Variants in MRAP observed in about 807,000 individuals in gnomAD.
The protein encoded by MRAP is melanocortin-2 receptor accessory protein.
A neutral mutation model predicts 8.7 loss-of-function variants in MRAP; 8 were observed. The ratio of observed to expected loss-of-function variants is 0.92; its 90% CI spans 0.54 to 1.66. MRAP has a LOEUF of 1.66. Ranked by LOEUF, MRAP falls within the 40% of genes most tolerant of loss-of-function variation. The pLI is 0.00. For missense variants in MRAP, 237 were observed against 217.1 expected, an observed-to-expected ratio of 1.09 and a Z score of -0.58; for synonymous variants, 95 against 95.5, an observed-to-expected ratio of 1.00 and a Z score of 0.03.
upstream of MRAP, among the ~76,000 whole-genome samples, chr21:32,293,978 A>AATT (rs1427362944): frequency 1.3e-5 from 2 of 152,144 alleles, no homozygotes; most frequent in Non-Finnish European, 2.9e-5. Context: ...CAGACAAATA[A>AATT]ATTCAACTTA....
At chr21:32,296,260 A>C (rs574854115), upstream of MRAP, among the ~76,000 whole-genome samples, 54 of 152,252 alleles carry the variant, frequency 3.5e-4, no homozygotes, top group Middle Eastern at 3.4e-3. Flanking sequence ...CCTATCTCCA[A>C]ATACAGTCAC....
Position 32,298,971 on chromosome 21 carries a change from C to T in MRAP, c.-1C>T. The T allele has an allele frequency of 6.2e-7, 1 of 1,613,058 alleles. No individual in the cohort carries two copies. The highest frequency in any genetic ancestry group is 1.1e-5 in the South Asian group (1 of 91,052). On this transcript the variant is annotated 5_prime_UTR_variant, in exon 1 of 3. Coordinates refer to ENST00000303645, the MANE Select transcript of MRAP (RefSeq NM_001379228.1). The stretch of plus-strand genomic sequence containing the variant: ...GACGCTGACTGCCCAGTGCCACAGA[C>T]ATGGCCAACGGGACCAACGCCTCTG...
chr21:32,296,081 G>A (rs148614699), upstream of MRAP, among the ~76,000 whole-genome samples: 173 of 152,256 alleles, frequency 1.1e-3, 1 homozygote, highest in Admixed American at 5.7e-3. Context: ...GCCTGGTTTC[G>A]TTCTGAGGCC....
upstream of MRAP, among the ~76,000 whole-genome samples, chr21:32,294,715 G>A (rs1601092707): frequency 6.6e-6 from 1 of 152,016 alleles, no homozygotes; most frequent in African/African-American, 2.4e-5. Flanking sequence ...TTATCAATAT[G>A]TCCATTTCTA....
chr21:32,299,099 C>T, intron 1 of MRAP, 22 bp downstream of exon 1: 2 of 1,596,018 alleles, frequency 1.3e-6, no homozygotes, highest in Non-Finnish European at 8.6e-7. Flanking sequence ...CTAGGGAAGC[C>T]GGTCAGACAG....
At chr21:32,311,303 C>T (rs944123976) in intron 2 of MRAP, 8 of 212,942 alleles carry the variant, frequency 3.8e-5, no homozygotes, top group South Asian at 1.2e-4. Context: ...TGTGTCGTGA[C>T]GCAGCCAAAC....
downstream of MRAP, chr21:32,314,044 C>G (rs2032637538): frequency 6.5e-6 from 1 of 154,146 alleles, no homozygotes; most frequent in Non-Finnish European, 1.4e-5. Context: ...CTTCTCAAAG[C>G]AGAGGTCAAA....
chr21:32,294,512 G>T (rs1033144420), upstream of MRAP, among the ~76,000 whole-genome samples: 3 of 152,108 alleles, frequency 2.0e-5, no homozygotes, highest in African/African-American at 7.2e-5. Flanking sequence ...TCTTTATAAA[G>T]TATCTGTTCA....
Position 32,306,674 on chromosome 21 carries a change from TGCCTTCGTG to T in MRAP, c.143_151del (p.Ala48_Val50del). The stretch of plus-strand genomic sequence containing the variant: ...TGATCGCATTCTGGGTGAGCCTGGC[TGCCTTCGTG>T]GTGCTGCTCTTCCTCATCTTGCTCT... On this transcript the variant is annotated inframe_deletion, in exon 2 of 3. Transcript: ENST00000303645. 1 of 1,614,150 alleles carries T rather than the reference TGCCTTCGTG, an allele frequency of 6.2e-7. No individual in the cohort carries two copies. The highest frequency in any genetic ancestry group is 1.7e-5 in the Admixed American group (1 of 60,010).
At chr21:32,314,632 TAG>T (rs773077703), downstream of MRAP, 2 of 1,614,086 alleles carry the variant, frequency 1.2e-6, no homozygotes, top group Admixed American at 1.7e-5. Context: ...TCCAAGCCCC[TAG>T]AGAGGAAGGG....
intron 1 of MRAP, among the ~76,000 whole-genome samples, chr21:32,300,578 G>A (rs1476908824): frequency 6.8e-6 from 1 of 147,906 alleles, no homozygotes; most frequent in African/African-American, 2.5e-5. Context: ...CACACGTCAT[G>A]TCAGGGGCGT....
chr21:32,301,079 C>G (rs922741196), intron 1 of MRAP, among the ~76,000 whole-genome samples: 2 of 150,630 alleles, frequency 1.3e-5, no homozygotes, highest in Non-Finnish European at 2.9e-5. Context: ...CCATATATAT[C>G]ATGATATATC....
At chr21:32,310,338 G>T (rs912222100) in intron 2 of MRAP, among the ~76,000 whole-genome samples, 2 of 141,218 alleles carry the variant, frequency 1.4e-5, no homozygotes, top group Non-Finnish European at 3.0e-5. Flanking sequence ...TTCCCATGAT[G>T]GGGGGGGGAG....
intron 1 of MRAP, among the ~76,000 whole-genome samples, chr21:32,301,152 C>T (rs1417850581): frequency 1.3e-5 from 2 of 149,712 alleles, no homozygotes; most frequent in South Asian, 2.1e-4. Context: ...TTAGTAGAGA[C>T]GTGGTTTCAC....
intron 1 of MRAP, among the ~76,000 whole-genome samples, chr21:32,300,448 CAG>C (rs1329539406): frequency 2.0e-5 from 3 of 150,922 alleles, no homozygotes; most frequent in Admixed American, 1.3e-4. Context: ...CGTCCTATGT[CAG>C]ATGTTTCACA....
chr21:32,302,297 C>G (rs1193102019), intron 1 of MRAP, among the ~76,000 whole-genome samples: 3 of 152,190 alleles, frequency 2.0e-5, no homozygotes, highest in African/African-American at 4.8e-5. Flanking sequence ...AACTATCTCA[C>G]AACATAGCAA....
chr21:32,302,047 A>G (rs2032308640), intron 1 of MRAP, among the ~76,000 whole-genome samples: 2 of 152,254 alleles, frequency 1.3e-5, no homozygotes, highest in Admixed American at 6.5e-5. Flanking sequence ...ATGAATTTCC[A>G]TCAAGGTAGC....
At chr21:32,300,815 G>C (rs1362470730) in intron 1 of MRAP, among the ~76,000 whole-genome samples, 1 of 147,424 alleles carries the variant, frequency 6.8e-6, no homozygotes, top group African/African-American at 2.5e-5. Context: ...TGTCAGGGGC[G>C]TCATGTGTCC....
chr21:32,306,964 G>A (rs1568799685), intron 2 of MRAP: 2 of 591,888 alleles, frequency 3.4e-6, no homozygotes, highest in Non-Finnish European at 6.1e-6. Flanking sequence ...TCAGTATGTT[G>A]CAGATTTTGC....
Sources: allele counts gnomAD v4.1 joint callset (sites outside exome capture counted in the v4.1 genomes callset), GRCh38; gene constraint gnomAD v4.1.1; transcripts MANE v1.5; gene names NCBI Gene and HGNC (gene_info 2026-07-23, HGNC 2026-07-21).